The following SEPTIN9 variants were observed in gnomAD, a reference collection of about 807,000 sequenced individuals.
SEPTIN9 encodes septin 9.
Under a neutral mutation model 56.6 loss-of-function variants are expected in SEPTIN9, and 13 were observed. The ratio of observed to expected loss-of-function variants is 0.23; its 90% confidence interval spans 0.15 to 0.37. The LOEUF (loss-of-function observed/expected upper bound fraction) is 0.37. Ranked by LOEUF, SEPTIN9 falls within the 10% of genes least tolerant of loss-of-function variation. The probability of loss-of-function intolerance (pLI) is 1.00; values close to 1 mark genes in which losing one functional copy is unlikely to be tolerated. For synonymous variants in SEPTIN9, 332 were observed against 334.1 expected, an observed-to-expected ratio of 0.99 and a Z score of 0.07; for missense variants, 650 against 823.1, an observed-to-expected ratio of 0.79 and a Z score of 2.57.
intron 3 of SEPTIN9, among the ~76,000 whole-genome samples, chr17:77,423,608 C>T (rs753004890): frequency 6.6e-6 from 1 of 152,236 alleles, no homozygotes; most frequent in Admixed American, 6.5e-5. Flanking sequence ...TGCCTCGATC[C>T]TAGCACCCTC....
Position 77,498,574 on chromosome 17 carries a change from G to A in SEPTIN9, c.1677G>A (p.Ala559=), listed in dbSNP as rs756067727. 12 of 1,600,734 alleles carry A rather than the reference G, an allele frequency of 7.5e-6. No homozygotes were observed. The highest frequency in any genetic ancestry group is 1.7e-4 in the Middle Eastern group (1 of 5,920). The part of the protein sequence containing the change: ...KDITSSIHFE[A]YRVKRLNEGS... ...TCACCAGCAGCATCCACTTCGAGGC[G>A]TACCGTGTGAAGCGCCTCAACGAGG... Residue 559 remains alanine (A), a synonymous_variant, in exon 12 of 12, where the codon GCG becomes GCA. Coordinates refer to ENST00000427177, the MANE Select transcript of SEPTIN9 (RefSeq NM_001113491.2).
intron 3 of SEPTIN9, among the ~76,000 whole-genome samples, chr17:77,448,538 C>T (rs534095866): frequency 4.6e-5 from 7 of 151,874 alleles, no homozygotes; most frequent in Non-Finnish European, 1.0e-4. Context: ...AGCATGATAG[C>T]CACTGGCTGC....
Position 77,296,646 on chromosome 17 carries a change from A to G in SEPTIN9, c.20-10495A>G, listed in dbSNP as rs142599831. Among the ~76,000 whole-genome samples, 55 of 152,312 alleles carry G rather than the reference A, an allele frequency of 3.6e-4. 1 individual carries two copies. The highest frequency in any genetic ancestry group is 2.7e-3 in the Admixed American group (42 of 15,292). ...GGCCGGTGGATCACTTGAGGCCAGG[A>G]GTTTGAGACCAGCCTGGCTAACAGG... On this transcript the variant is annotated intron_variant, in intron 1 of 11. Transcript: ENST00000427177.
At position 77,413,687 on chromosome 17, in the gene SEPTIN9, C is replaced by T. The variant is rs111396754; in HGVS notation, c.721+10984C>T. Among the ~76,000 whole-genome samples, 8 of 151,720 alleles carry T rather than the reference C, an allele frequency of 5.3e-5. No individual in the cohort carries two copies. In the South Asian group the frequency reaches 8.3e-4, roughly 16 times the overall value. On this transcript the variant is annotated intron_variant, in intron 3 of 11. Coordinates refer to ENST00000427177, the MANE Select transcript of SEPTIN9 (RefSeq NM_001113491.2). ...GGCTGCAGTCTTGAGTAGGTAGTGA[C>T]GGGACTGGGTCTAGGGGGCTGAGTG...
chr17:77,398,895 C>T (rs438163), intron 2 of SEPTIN9, among the ~76,000 whole-genome samples: 36,839 of 151,996 alleles, frequency 0.24, 5,557 homozygotes, highest in East Asian at 0.81. Flanking sequence ...CCAGAGGGAT[C>T]ATAGAGCCAG....
chr17:77,333,717 A>G (rs577228270), intron 2 of SEPTIN9, among the ~76,000 whole-genome samples: 2 of 152,224 alleles, frequency 1.3e-5, no homozygotes, highest in South Asian at 4.1e-4. Flanking sequence ...TATAGCTTTT[A>G]TGAATTAACT....
rs2034619559 is a variant in SEPTIN9 at position 77,367,953 on chromosome 17, G to C, written c.77-34106G>C. 6.6e-6 allele frequency among the ~76,000 whole-genome samples: 1 copy of C among 152,250 alleles called. No individual in the cohort carries two copies. Among genetic ancestry groups the C allele is most frequent in the Admixed American group, 6.5e-5 (1 of 15,290 alleles). The stretch of plus-strand genomic sequence containing the variant: ...AATGTGGAAGGAATGGATATACAAA[G>C]TGTGTGTACACACAGTGGAATATCA... On this transcript the variant is annotated intron_variant, in intron 2 of 11. Transcript: ENST00000427177. This position sits in a 1 kb window ranked among gnomAD's most constrained non-coding sequence, Gnocchi z 4.5.
At chr17:77,303,187 G>A (rs1162462360) in intron 1 of SEPTIN9, among the ~76,000 whole-genome samples, 2 of 150,766 alleles carry the variant, frequency 1.3e-5, no homozygotes, top group African/African-American at 4.9e-5. Context: ...TGCAACCTCC[G>A]TCTCCTGGGT....
chr17:77,315,460 G>T (rs976053497), intron 2 of SEPTIN9, among the ~76,000 whole-genome samples: 7 of 152,082 alleles, frequency 4.6e-5, no homozygotes, highest in Non-Finnish European at 1.0e-4. Context: ...GCTAATTTTT[G>T]TATTTTTAGT....
At chr17:77,428,900 A>G (rs1452677245) in intron 3 of SEPTIN9, 1 of 420,252 alleles carries the variant, frequency 2.4e-6, no homozygotes, top group Non-Finnish European at 5.1e-6. Flanking sequence ...CATCGTATGT[A>G]AATTGGGGAC....
chr17:77,390,406 C>G (rs1433521806), intron 2 of SEPTIN9, among the ~76,000 whole-genome samples: 1 of 148,274 alleles, frequency 6.7e-6, no homozygotes, highest in Non-Finnish European at 1.5e-5. Flanking sequence ...GCAGTCACCT[C>G]CCCTTCATGT....
At chr17:77,408,716 A>T (rs888615814) in intron 3 of SEPTIN9, among the ~76,000 whole-genome samples, 1 of 152,120 alleles carries the variant, frequency 6.6e-6, no homozygotes, top group Non-Finnish European at 1.5e-5. Context: ...AGGGACACCT[A>T]CTGGGCCCCA....
At chr17:77,441,487 A>G (rs144456178) in intron 3 of SEPTIN9, among the ~76,000 whole-genome samples, 13 of 152,354 alleles carry the variant, frequency 8.5e-5, no homozygotes, top group Non-Finnish European at 1.6e-4. Context: ...TTGCTAGCTC[A>G]TATGATCTTC....
intron 2 of SEPTIN9, chr17:77,320,206 T>C: frequency 6.2e-7 from 1 of 1,602,696 alleles, no homozygotes; most frequent in African/African-American, 1.3e-5. Context: ...AAAGAGTGTT[T>C]TTAGAGGAGG....
intron 10 of SEPTIN9, among the ~76,000 whole-genome samples, chr17:77,495,599 A>G (rs1244889304): frequency 1.3e-5 from 2 of 152,222 alleles, no homozygotes; most frequent in Admixed American, 1.3e-4. Flanking sequence ...AGGGAATGAG[A>G]GTAACTTGCC....
At position 77,450,769 on chromosome 17, in the gene SEPTIN9, T is replaced by C; in HGVS notation, c.722-31375T>C. ...GGATCAGATCTGAATCCAGAGGCTC[T>C]CGGAGGAAGAGCTCAGGGTGAGCTG... On this transcript the variant is annotated intron_variant, in intron 3 of 11. Coordinates refer to ENST00000427177, the MANE Select transcript of SEPTIN9 (RefSeq NM_001113491.2). The surrounding 1 kb of genome is among the most constrained non-coding windows in gnomAD (Gnocchi z 6.0). 4 of 985,958 alleles carry C rather than the reference T, an allele frequency of 4.1e-6. No homozygotes were observed. Among genetic ancestry groups the C allele is most frequent in the Non-Finnish European group, 4.8e-6 (4 of 830,438 alleles). 61.1% of individuals were successfully genotyped at this position (985,958 alleles called of 1,614,324 possible).
intron 3 of SEPTIN9, among the ~76,000 whole-genome samples, chr17:77,426,544 G>A (rs1048776897): frequency 4.6e-5 from 7 of 152,062 alleles, no homozygotes; most frequent in African/African-American, 7.2e-5. Flanking sequence ...TCACTGCACC[G>A]GTCCCCTGGC....
At chr17:77,309,725 A>G (rs936763798) in intron 2 of SEPTIN9, among the ~76,000 whole-genome samples, 4 of 150,632 alleles carry the variant, frequency 2.7e-5, no homozygotes, top group African/African-American at 7.4e-5. Flanking sequence ...GTCAGCTCAC[A>G]CACTTTCTTT....
chr17:77,350,164 A>C (rs1480117749), intron 2 of SEPTIN9, among the ~76,000 whole-genome samples: 1 of 150,962 alleles, frequency 6.6e-6, no homozygotes, highest in East Asian at 1.9e-4. Context: ...CTTCTCCTCA[A>C]GTTGCCCAGC....
Sources: allele counts gnomAD v4.1 joint callset (sites outside exome capture counted in the v4.1 genomes callset), GRCh38; gene constraint gnomAD v4.1.1; non-coding constraint Gnocchi (gnomAD v3.1); transcripts MANE v1.5; gene names NCBI Gene and HGNC (gene_info 2026-07-23, HGNC 2026-07-21).